TRPS1: variants seen among roughly 807,000 people sequenced by gnomAD.
TRPS1 encodes zinc finger transcription factor Trps1.
Under a neutral mutation model 101.2 loss-of-function variants are expected in TRPS1, and 6 were observed. The observed-to-expected ratio is 0.06, with a 90% confidence interval of 0.03 to 0.12. TRPS1 has a LOEUF of 0.12. Among genes scored for constraint, TRPS1 ranks in the 10% least tolerant of loss-of-function variants. TRPS1 has a pLI of 1.00. For missense variants in TRPS1, 1,363 were observed against 1,567.0 expected (o/e 0.87, Z 2.20); for synonymous variants, 578 against 589.8 (o/e 0.98, Z 0.29).
chr8:115,644,459 C>T (rs1292544475), intron 1 of TRPS1, among the ~76,000 whole-genome samples: 1 of 152,186 alleles, frequency 6.6e-6, no homozygotes, highest in Non-Finnish European at 1.5e-5. Context: ...TCAGCTTTCA[C>T]CGAATCAAAC....
intron 5 of TRPS1, among the ~76,000 whole-genome samples, chr8:115,481,412 T>A (rs1361149071): frequency 1.3e-5 from 2 of 151,552 alleles, no homozygotes; most frequent in Admixed American, 6.6e-5. Flanking sequence ...CCCCCACTCT[T>A]CTGCAACAAA....
chr8:115,550,835 A>G (rs976415619), intron 5 of TRPS1, among the ~76,000 whole-genome samples: 1 of 152,228 alleles, frequency 6.6e-6, no homozygotes, highest in African/African-American at 2.4e-5. Flanking sequence ...TGTAAACATT[A>G]GCGAGAATCA....
chr8:115,624,883 G>C (rs1213240733), intron 1 of TRPS1, among the ~76,000 whole-genome samples: 1 of 151,614 alleles, frequency 6.6e-6, no homozygotes, highest in Non-Finnish European at 1.5e-5. Flanking sequence ...CAGCAAAAGG[G>C]ATTTGAGTTT....
intron 5 of TRPS1, among the ~76,000 whole-genome samples, chr8:115,447,034 C>T (rs930444752): frequency 3.3e-5 from 5 of 152,094 alleles, no homozygotes; most frequent in Non-Finnish European, 7.4e-5. Context: ...TACTCCAAGA[C>T]CCGGTGAATC....
chr8:115,650,161 T>C (rs917765210), intron 1 of TRPS1, among the ~76,000 whole-genome samples: 1 of 152,350 alleles, frequency 6.6e-6, no homozygotes, highest in African/African-American at 2.4e-5. Context: ...TTAACTAGCA[T>C]GTACTCTACA....
intron 5 of TRPS1, among the ~76,000 whole-genome samples, chr8:115,499,576 A>G (rs1315379788): frequency 6.6e-6 from 1 of 152,230 alleles, no homozygotes; most frequent in Non-Finnish European, 1.5e-5. Context: ...CTAAACAACA[A>G]GAAAAACAGT....
chr8:115,554,788 T>C (rs1816779458), intron 5 of TRPS1, among the ~76,000 whole-genome samples: 1 of 151,636 alleles, frequency 6.6e-6, no homozygotes, highest in Non-Finnish European at 1.5e-5. Flanking sequence ...GTCAATGGAG[T>C]CCTGAGATAA....
At chr8:115,476,185 A>AT (rs1191455899) in intron 5 of TRPS1, among the ~76,000 whole-genome samples, 1 of 59,546 alleles carries the variant, frequency 1.7e-5, no homozygotes. Flanking sequence ...CGCCCGGCTA[A>AT]TTTTTTTGTA....
At chr8:115,533,800 C>T (rs1816210829) in intron 5 of TRPS1, among the ~76,000 whole-genome samples, 1 of 152,048 alleles carries the variant, frequency 6.6e-6, no homozygotes, top group Admixed American at 6.6e-5. Context: ...GGCTTTCTTC[C>T]TGGCTTGCAG....
intron 1 of TRPS1, among the ~76,000 whole-genome samples, chr8:115,646,124 C>T (rs796359148): frequency 1.3e-5 from 2 of 152,212 alleles, no homozygotes; most frequent in African/African-American, 4.8e-5. Flanking sequence ...AGAAACAGAA[C>T]AATCATTATC....
chr8:115,557,155 T>C (rs1563601204), intron 5 of TRPS1, among the ~76,000 whole-genome samples: 1 of 152,084 alleles, frequency 6.6e-6, no homozygotes, highest in Non-Finnish European at 1.5e-5. Context: ...TTACTCACTA[T>C]CATGAGAACA....
chr8:115,662,089 TTAAC>T (rs1184157855), intron 1 of TRPS1, among the ~76,000 whole-genome samples: 1 of 151,998 alleles, frequency 6.6e-6, no homozygotes, highest in African/African-American at 2.4e-5. Context: ...AAACAAATCT[TTAAC>T]TAAAGAAGCC....
At chr8:115,621,515 TA>T (rs1433394952) in intron 2 of TRPS1, among the ~76,000 whole-genome samples, 2 of 152,250 alleles carry the variant, frequency 1.3e-5, no homozygotes, top group African/African-American at 2.4e-5. Context: ...GCAAAATTTT[TA>T]TATGAATCAC....
intron 5 of TRPS1, among the ~76,000 whole-genome samples, chr8:115,458,711 A>G (rs1814091009): frequency 6.6e-6 from 1 of 152,236 alleles, no homozygotes; most frequent in African/African-American, 2.4e-5. Flanking sequence ...GTATTAACAC[A>G]GAACACAGAA....
At position 115,491,823 on chromosome 8, in the gene TRPS1, A is replaced by G. The variant is rs542076587; in HGVS notation, c.2701-73371T>C. On this transcript the variant is annotated intron_variant, in intron 5 of 6. Transcript: ENST00000395715. ...ATTACACAATGATAAGTATCTAGAT[A>G]ATAAGTTAACCAAACCAATGACAGG... Among the ~76,000 whole-genome samples the G allele has an allele frequency of 2.6e-5, 4 of 152,318 alleles. No individual in the cohort carries two copies. In the East Asian group the frequency reaches 5.8e-4, roughly 22 times the overall value.
rs78680724 is a variant in TRPS1 at position 115,637,639 on chromosome 8, T to C, written c.-121-13881A>G. 5.9e-3 allele frequency among the ~76,000 whole-genome samples: 905 copies of C among 152,314 alleles called. 6 individuals are homozygous for C. Among genetic ancestry groups the C allele is most frequent in the African/African-American group, 0.021 (856 of 41,572 alleles). On this transcript the variant is annotated intron_variant, in intron 1 of 6. Transcript: ENST00000395715. ...ATATTTTATTTATCTGTTACATTAT[T>C]TGTATTCTTGCCTGGACAGTGTTCT... is the stretch of plus-strand genomic sequence containing the variant.
chr8:115,443,766 G>C (rs1252836472), intron 5 of TRPS1, among the ~76,000 whole-genome samples: 1 of 152,120 alleles, frequency 6.6e-6, no homozygotes, highest in Non-Finnish European at 1.5e-5. Context: ...AATAAATATT[G>C]GTTATGATCG....
rs554451622 is a variant in TRPS1 at position 115,570,676 on chromosome 8, A to C, written c.2700+16325T>G. Among the ~76,000 whole-genome samples, 11 of 107,940 alleles carry C rather than the reference A, an allele frequency of 1.0e-4. No homozygotes were observed. The South Asian group carries it at 1.0e-3, about 10-fold the overall frequency. The allele number at this position is 107,940 out of a possible 152,430, so 70.8% of individuals were successfully genotyped here. A position where few individuals can be genotyped will look rare whatever the true frequency, so the allele number is the denominator to read the frequency against. ...CTTTTAGTGGAAAAACCTCAAAAAA[A>C]ACACACACACACTCACACACACACA... On this transcript the variant is annotated intron_variant, in intron 5 of 6. Transcript: ENST00000395715.
intron 5 of TRPS1, among the ~76,000 whole-genome samples, chr8:115,493,934 A>G (rs185448985): frequency 2.0e-3 from 304 of 152,260 alleles, no homozygotes; most frequent in Admixed American, 4.0e-3. Context: ...TATAAAGGAA[A>G]CTCTAAATTC....
Sources: gnomAD v4.1 joint callset for allele counts (sites outside exome capture counted in the v4.1 genomes callset) on GRCh38, gnomAD v4.1.1 for gene constraint, MANE v1.5 for transcripts, NCBI Gene and HGNC (gene_info 2026-07-23, HGNC 2026-07-21) for gene names.